The following CDA variants were observed in gnomAD, a reference collection of about 807,000 sequenced individuals.
The protein encoded by CDA is cytidine deaminase.
CDA carries 7 observed loss-of-function variants against 15.0 expected under a neutral mutation model. That is an observed-to-expected ratio of 0.47 (90% CI 0.26 to 0.87). The LOEUF is 0.87. Among genes scored for constraint, CDA ranks in the 40% least tolerant of loss-of-function variants. The probability of loss-of-function intolerance (pLI) is 0.15; values close to 1 mark genes in which losing one functional copy is unlikely to be tolerated. For missense variants in CDA, 159 were observed against 182.7 expected, an observed-to-expected ratio of 0.87 and a Z score of 0.75; for synonymous variants, 58 against 73.0, an observed-to-expected ratio of 0.79 and a Z score of 1.05.
chr1:20,600,814 C>A (rs1384965529), intron 1 of CDA, among the ~76,000 whole-genome samples: 2 of 151,074 alleles, frequency 1.3e-5, no homozygotes. Context: ...GGATCAGGAA[C>A]CTGGCTGGGG....
Position 20,600,056 on chromosome 1 carries a change from G to C in CDA, c.155-4872G>C, listed in dbSNP as rs528925549. On this transcript the variant is annotated intron_variant, in intron 1 of 3. Transcript: ENST00000375071. Reference sequence around the variant, plus strand: ...GTGCTGTTTGAGTAGTGGGGCATGTGAGTGTGCCCCCTGCCACAACCATCT... The same window carrying C: ...GTGCTGTTTGAGTAGTGGGGCATGTCAGTGTGCCCCCTGCCACAACCATCT... Among the ~76,000 whole-genome samples the C allele has an allele frequency of 3.6e-3, 555 of 152,318 alleles. 4 individuals carry two copies. Among genetic ancestry groups the C allele is most frequent in the Middle Eastern group, 6.8e-3 (2 of 294 alleles).
intron 3 of CDA, among the ~76,000 whole-genome samples, chr1:20,617,656 G>A (rs1180394869): frequency 3.3e-5 from 5 of 151,862 alleles, no homozygotes; most frequent in African/African-American, 9.7e-5. Context: ...CCAGCCATGT[G>A]GAACTGTGAG....
Position 20,618,848 on chromosome 1 carries a change from G to C in CDA, c.*280G>C. On this transcript the variant is annotated 3_prime_UTR_variant, in exon 4 of 4. Coordinates refer to ENST00000375071, the MANE Select transcript of CDA (RefSeq NM_001785.3). ...CTGCTTCCCCATCAGCCTTCCCAAG[G>C]TTCTATCCTGTTCCGAGCAACTTTT... The C allele has an allele frequency of 2.3e-6, 1 of 432,660 alleles. No homozygotes were observed. The highest frequency in any genetic ancestry group is 2.1e-5 in the South Asian group (1 of 46,902). 26.8% of individuals were successfully genotyped at this position (432,660 alleles called of 1,614,324 possible).
chr1:20,589,320 G>A (rs12059454), intron 1 of CDA, 37 bp downstream of exon 1: 55,315 of 1,602,742 alleles, frequency 0.035, 3,846 homozygotes, highest in African/African-American at 0.21. Flanking sequence ...CAGCCCAGCA[G>A]CCTGGGTGGT....
chr1:20,616,380 C>T (rs1263875507), intron 3 of CDA, among the ~76,000 whole-genome samples: 1 of 152,150 alleles, frequency 6.6e-6, no homozygotes, highest in South Asian at 2.1e-4. Flanking sequence ...GGTTTCAAAG[C>T]ATCTGGGGAT....
chr1:20,593,700 A>G (rs2101175484), intron 1 of CDA, among the ~76,000 whole-genome samples: 1 of 152,260 alleles, frequency 6.6e-6, no homozygotes, highest in East Asian at 1.9e-4. Flanking sequence ...TTAGCCTCCC[A>G]AGTAGCTGGG....
chr1:20,612,455 C>T (rs1440006382), intron 2 of CDA, among the ~76,000 whole-genome samples: 1 of 152,084 alleles, frequency 6.6e-6, no homozygotes, highest in Admixed American at 6.5e-5. Context: ...ATTCCACCCC[C>T]CCACCACCGA....
chr1:20,590,336 G>A (rs1299717382), intron 1 of CDA, among the ~76,000 whole-genome samples: 1 of 152,198 alleles, frequency 6.6e-6, no homozygotes, highest in African/African-American at 2.4e-5. Flanking sequence ...GACTTCCCCT[G>A]ACTCCAAAAG....
Position 20,618,780 on chromosome 1 carries a change from T to G in CDA, c.*212T>G. 3 of 549,694 alleles carry G rather than the reference T, an allele frequency of 5.5e-6. No individual in the cohort carries two copies. Among genetic ancestry groups the G allele is most frequent in the Non-Finnish European group, 1.0e-5 (3 of 300,840 alleles). 34.1% of individuals were successfully genotyped at this position (549,694 alleles called of 1,614,324 possible). ...CGCCGCCCCCTGCCCCACCTTTCCT[T>G]TCCTTCCTGTGGGCCCTCTTTCAAA... On this transcript the variant is annotated 3_prime_UTR_variant, in exon 4 of 4. Transcript: ENST00000375071.
chr1:20,618,345 G>C (rs1233191996), intron 3 of CDA, 107 bp from the exon 4 acceptor site: 2 of 717,416 alleles, frequency 2.8e-6, no homozygotes, highest in Middle Eastern at 2.4e-4. Context: ...AGAAAATCAA[G>C]GTAAAGAGAG....
intron 2 of CDA, among the ~76,000 whole-genome samples, chr1:20,609,281 G>A (rs1196496895): frequency 4.6e-5 from 7 of 152,058 alleles, no homozygotes; most frequent in South Asian, 2.1e-4. Context: ...TCAGGAGATC[G>A]AGACCATCCT....
At chr1:20,613,673 C>T (rs760631045) in intron 2 of CDA, among the ~76,000 whole-genome samples, 169 bp from the exon 3 acceptor site, 2 of 152,162 alleles carry the variant, frequency 1.3e-5, no homozygotes, top group Non-Finnish European at 2.9e-5. Context: ...TGTGGAAAGC[C>T]ACCACGTGGC....
At chr1:20,608,598 CAG>C (rs1339138762) in intron 2 of CDA, among the ~76,000 whole-genome samples, 1 of 152,164 alleles carries the variant, frequency 6.6e-6, no homozygotes, top group Non-Finnish European at 1.5e-5. Context: ...TTAGTAGAGA[CAG>C]GGTTTCACCA....
chr1:20,617,688 T>C (rs1178472400), intron 3 of CDA, among the ~76,000 whole-genome samples: 1 of 125,810 alleles, frequency 7.9e-6, no homozygotes, highest in African/African-American at 2.8e-5. Flanking sequence ...TCCTTTTTTA[T>C]TTTATTTTAT....
At chr1:20,617,976 C>T (rs10916830) in intron 3 of CDA, among the ~76,000 whole-genome samples, 50,642 of 151,698 alleles carry the variant, frequency 0.33, 8,576 homozygotes, top group African/African-American at 0.39. Flanking sequence ...GGAGTACAGG[C>T]GTGCGCCACA....
chr1:20,595,146 T>C (rs938323195), intron 1 of CDA, among the ~76,000 whole-genome samples: 1 of 152,170 alleles, frequency 6.6e-6, no homozygotes, highest in Non-Finnish European at 1.5e-5. Flanking sequence ...CTTAGGACAG[T>C]GGTCTCTCTC....
At chr1:20,616,865 A>G (rs1248074415) in intron 3 of CDA, among the ~76,000 whole-genome samples, 1 of 152,198 alleles carries the variant, frequency 6.6e-6, no homozygotes. Context: ...AAGCCAGAAG[A>G]TTGAGTGTGC....
intron 1 of CDA, among the ~76,000 whole-genome samples, chr1:20,596,805 G>A (rs1199735355): frequency 1.5e-5 from 2 of 134,244 alleles, no homozygotes; most frequent in Non-Finnish European, 3.1e-5. Context: ...CTGTTGCCCA[G>A]TCTGGAGTTC....
intron 1 of CDA, among the ~76,000 whole-genome samples, chr1:20,601,220 A>G (rs1401132763): frequency 6.6e-6 from 1 of 152,178 alleles, no homozygotes; most frequent in Non-Finnish European, 1.5e-5. Context: ...GGTCTCTTCC[A>G]TAATGAATGG....
Sources: gnomAD v4.1 joint callset for allele counts (sites outside exome capture counted in the v4.1 genomes callset) on GRCh38, gnomAD v4.1.1 for gene constraint, MANE v1.5 for transcripts, NCBI Gene and HGNC (gene_info 2026-07-23, HGNC 2026-07-21) for gene names.